Variants in DNAJC11 observed in about 807,000 individuals in gnomAD.
The protein encoded by DNAJC11 is DnaJ heat shock protein family (Hsp40) member C11.
Under a neutral mutation model 78.6 loss-of-function variants are expected in DNAJC11, and 15 were observed. That is an observed-to-expected ratio of 0.19 (90% CI 0.13 to 0.29). The LOEUF (loss-of-function observed/expected upper bound fraction) is 0.29, where lower values mean the gene tolerates loss of function less well. Ranked by LOEUF, DNAJC11 falls within the 10% of genes least tolerant of loss-of-function variation. The probability of loss-of-function intolerance (pLI) is 1.00; values close to 1 mark genes in which losing one functional copy is unlikely to be tolerated. For synonymous variants in DNAJC11, 292 were observed against 272.1 expected, an observed-to-expected ratio of 1.07 and a Z score of -0.72; for missense variants, 547 against 709.6, an observed-to-expected ratio of 0.77 and a Z score of 2.60.
chr1:6,681,221 T>C (rs780000748), intron 1 of DNAJC11, among the ~76,000 whole-genome samples, 184 bp from the exon 2 acceptor site: 7 of 152,186 alleles, frequency 4.6e-5, no homozygotes, highest in Non-Finnish European at 8.8e-5. Flanking sequence ...AATAAAGTGA[T>C]CAATTACATA....
intron 3 of DNAJC11, among the ~76,000 whole-genome samples, chr1:6,677,178 A>C (rs1481828983): frequency 5.3e-5 from 8 of 151,846 alleles, no homozygotes; most frequent in Non-Finnish European, 7.4e-5. Flanking sequence ...AAAAAAACAA[A>C]AAAAACGAAG....
At chr1:6,669,513 TAGAAAAGAAAAGAAAAGAAA>T (rs60740818) in intron 3 of DNAJC11, among the ~76,000 whole-genome samples, 1,724 of 121,826 alleles carry the variant, frequency 0.014, 39 homozygotes, top group African/African-American at 0.043. Flanking sequence ...AACTCTGTCT[TAGAAAAGAAAAGAAAAGAAA>T]AGAAAAGAAA....
chr1:6,675,633 A>G (rs1484463808), intron 3 of DNAJC11, among the ~76,000 whole-genome samples: 1 of 152,080 alleles, frequency 6.6e-6, no homozygotes, highest in East Asian at 1.9e-4. Flanking sequence ...GTGTTGCTCC[A>G]GCTGGTCTCG....
In DNAJC11 at chr1:6,645,401, T is replaced by C. The variant is rs1570269891; in HGVS notation, c.895-275A>G. Among the ~76,000 whole-genome samples, 2 of 152,232 alleles carry C rather than the reference T, an allele frequency of 1.3e-5. No individual in the cohort carries two copies. Among genetic ancestry groups the C allele is most frequent in the Non-Finnish European group, 2.9e-5 (2 of 68,026 alleles). Reference sequence around the variant, plus strand: ...TATGCTCCTAGGTGGCAGCGGCTGGTGAGAGCCAAGGAGCAGTGGCCCGTG... The same window carrying C: ...TATGCTCCTAGGTGGCAGCGGCTGGCGAGAGCCAAGGAGCAGTGGCCCGTG... On this transcript the variant is annotated intron_variant, in intron 8 of 15. Transcript: ENST00000377577. This position sits in a 1 kb window ranked among gnomAD's most constrained non-coding sequence, Gnocchi z 4.1.
chr1:6,698,099 A>G (rs1162300912), intron 1 of DNAJC11, among the ~76,000 whole-genome samples: 1 of 152,170 alleles, frequency 6.6e-6, no homozygotes, highest in African/African-American at 2.4e-5. Flanking sequence ...TATGCTTATA[A>G]TTTTAAAGTA....
intron 12 of DNAJC11, chr1:6,637,957 C>T (rs771653940): frequency 5.0e-5 from 19 of 381,130 alleles, no homozygotes; most frequent in Non-Finnish European, 8.6e-5. Context: ...GGCATGTGCT[C>T]GCCAGGCCGC....
intron 1 of DNAJC11, among the ~76,000 whole-genome samples, chr1:6,698,598 G>A (rs1288234428): frequency 6.6e-6 from 1 of 150,754 alleles, no homozygotes. Context: ...CCATAAATAT[G>A]GAAAGTGCCT....
intron 4 of DNAJC11, among the ~76,000 whole-genome samples, chr1:6,662,949 C>G (rs1484316528): frequency 6.6e-6 from 1 of 152,152 alleles, no homozygotes; most frequent in African/African-American, 2.4e-5. Context: ...GTAACACTCA[C>G]CGCGAAGGTC....
At chr1:6,647,003 C>A (rs1335739041) in intron 7 of DNAJC11, among the ~76,000 whole-genome samples, 1 of 150,636 alleles carries the variant, frequency 6.6e-6, no homozygotes, top group Non-Finnish European at 1.5e-5. Flanking sequence ...AAAAAAGACA[C>A]AAAATTAGCC....
At chr1:6,671,505 G>C (rs575067283) in intron 3 of DNAJC11, among the ~76,000 whole-genome samples, 3 of 146,440 alleles carry the variant, frequency 2.0e-5, no homozygotes, top group Non-Finnish European at 4.5e-5. Context: ...CAAAGTGCTG[G>C]AATTAGAGGC....
chr1:6,685,705 C>T (rs2147881729), intron 1 of DNAJC11, among the ~76,000 whole-genome samples: 1 of 152,262 alleles, frequency 6.6e-6, no homozygotes, highest in African/African-American at 2.4e-5. Flanking sequence ...CTGAGTTTTC[C>T]TTTTGTTCTC....
At chr1:6,636,416 G>A (rs909690487) in intron 14 of DNAJC11, among the ~76,000 whole-genome samples, 170 bp from the exon 15 acceptor site, 1 of 152,132 alleles carries the variant, frequency 6.6e-6, no homozygotes, top group Non-Finnish European at 1.5e-5. Flanking sequence ...GCCAAGACTC[G>A]CTTCTTAATA....
At chr1:6,651,205 GTCTGT>G in intron 7 of DNAJC11, 1 of 582,410 alleles carries the variant, frequency 1.7e-6, no homozygotes, top group Non-Finnish European at 3.4e-6. Context: ...CGATCCATAA[GTCTGT>G]AAGTGTTTCG....
chr1:6,685,120 A>G (rs535181045), intron 1 of DNAJC11, among the ~76,000 whole-genome samples: 1 of 152,186 alleles, frequency 6.6e-6, no homozygotes, highest in Non-Finnish European at 1.5e-5. Context: ...AAAAAAATTT[A>G]AAAAAATTAT....
chr1:6,694,736 C>T lies in DNAJC11; in HGVS notation c.72+6993G>A, dbSNP rs551805095. Among the ~76,000 whole-genome samples, 39 of 150,892 alleles carry T rather than the reference C, an allele frequency of 2.6e-4. 1 individual carries two copies. The highest frequency in any genetic ancestry group is 6.3e-4 in the African/African-American group (26 of 40,966). The stretch of plus-strand genomic sequence containing the variant: ...ATCGCAGCACTTTGGGAGGCTGAGG[C>T]GGGCGGATCACAAGGTCAGGAGATC... On this transcript the variant is annotated intron_variant, in intron 1 of 15. Coordinates refer to ENST00000377577, the MANE Select transcript of DNAJC11 (RefSeq NM_018198.4).
intron 1 of DNAJC11, among the ~76,000 whole-genome samples, chr1:6,701,392 G>C (rs954303885): frequency 4.1e-4 from 63 of 152,316 alleles, no homozygotes; most frequent in African/African-American, 1.5e-3. Context: ...CGCGAGACGG[G>C]GTCTCGGAGG....
intron 11 of DNAJC11, among the ~76,000 whole-genome samples, chr1:6,638,611 T>C (rs779310757): frequency 6.6e-6 from 1 of 152,246 alleles, no homozygotes; most frequent in African/African-American, 2.4e-5. Context: ...GGACACCGAC[T>C]GTCAGTCTCT....
chr1:6,645,334 T>TA lies in DNAJC11; in HGVS notation c.895-209dup, dbSNP rs1483271894. On this transcript the variant is annotated intron_variant, in intron 8 of 15. Transcript: ENST00000377577. This position sits in a 1 kb window ranked among gnomAD's most constrained non-coding sequence, Gnocchi z 4.1. ...AGACTTCACTGAAAACCCAGTTTTCTAGCTTCTCACAAGAAATAAAAAACT... is the reference window on the plus strand; with the variant it reads ...AGACTTCACTGAAAACCCAGTTTTCTAAGCTTCTCACAAGAAATAAAAAACT... Among the ~76,000 whole-genome samples, 1 of 152,242 alleles carries TA rather than the reference T, an allele frequency of 6.6e-6. No homozygotes were observed. The highest frequency in any genetic ancestry group is 1.5e-5 in the Non-Finnish European group (1 of 68,036).
At chr1:6,676,403 G>A (rs1338832929) in intron 3 of DNAJC11, among the ~76,000 whole-genome samples, 1 of 152,200 alleles carries the variant, frequency 6.6e-6, no homozygotes, top group Non-Finnish European at 1.5e-5. Context: ...CAACAGGCTG[G>A]GTGCGGTGGC....
Sources: gnomAD v4.1 joint callset for allele counts (sites outside exome capture counted in the v4.1 genomes callset) on GRCh38, gnomAD v4.1.1 for gene constraint, Gnocchi (gnomAD v3.1) non-coding constraint, MANE v1.5 for transcripts, NCBI Gene and HGNC (gene_info 2026-07-23, HGNC 2026-07-21) for gene names.